The following ZC3H12B variants were observed in gnomAD, a reference collection of about 807,000 sequenced individuals.
The protein encoded by ZC3H12B is probable ribonuclease ZC3H12B.
In ZC3H12B, 7 loss-of-function variants were observed where a neutral mutation model predicts 43.9. The ratio of observed to expected loss-of-function variants is 0.16; its 90% CI spans 0.09 to 0.30. The LOEUF (loss-of-function observed/expected upper bound fraction) is 0.30, where lower values mean the gene tolerates loss of function less well. Among genes scored for constraint, ZC3H12B ranks in the 10% least tolerant of loss-of-function variants. The pLI is 1.00. For missense variants in ZC3H12B, 475 were observed against 670.2 expected (o/e 0.71, Z 3.22); for synonymous variants, 222 against 241.7 (o/e 0.92, Z 0.76).
At chrX:65,144,544 C>T in the ZC3H12B span, among the ~76,000 whole-genome samples, 2 of 111,225 alleles carry the variant, frequency 1.8e-5, no homozygotes, top group South Asian at 3.7e-4. Context: ...TTCTCTAGTT[C>T]CTTGAGGTGT....
chrX:65,045,631 A>G, the ZC3H12B span, among the ~76,000 whole-genome samples: 1 of 111,537 alleles, frequency 9.0e-6, no homozygotes, highest in Non-Finnish European at 1.9e-5. Flanking sequence ...TGTCAAAATA[A>G]TCCATGGGGA....
chrX:65,045,597 C>G, the ZC3H12B span, among the ~76,000 whole-genome samples: 1 of 112,033 alleles, frequency 8.9e-6, no homozygotes, highest in South Asian at 3.7e-4. Flanking sequence ...AATCTAGTTA[C>G]TTATTCTGGT....
At chrX:65,358,019 TAA>T in the ZC3H12B span, among the ~76,000 whole-genome samples, 2 of 90,525 alleles carry the variant, frequency 2.2e-5, no homozygotes, top group Non-Finnish European at 2.3e-5. Flanking sequence ...AAATGGAAAG[TAA>T]AAAAAAAAAA....
the ZC3H12B span, among the ~76,000 whole-genome samples, chrX:65,069,269 C>T: frequency 4.8e-5 from 5 of 103,688 alleles, no homozygotes; most frequent in Non-Finnish European, 9.8e-5. Flanking sequence ...TTAGATTTAC[C>T]CCTTTGAGGA....
chrX:65,235,174 T>C, the ZC3H12B span, among the ~76,000 whole-genome samples: 1 of 111,991 alleles, frequency 8.9e-6, no homozygotes, highest in African/African-American at 3.3e-5. Context: ...TGTATCTTTA[T>C]ACTAGAATAA....
chrX:65,469,575 T>A (rs1434893691), intron 3 of ZC3H12B: 3 of 264,099 alleles, frequency 1.1e-5, no homozygotes, highest in Non-Finnish European at 2.1e-5. Flanking sequence ...TTGATGACTT[T>A]GAGCTCAGAT....
chrX:65,271,943 G>T, the ZC3H12B span: 1 of 122,303 alleles, frequency 8.2e-6, no homozygotes. Context: ...GGCCGGGTGC[G>T]GTGGCTCCTG....
chrX:65,100,108 G>A, the ZC3H12B span, among the ~76,000 whole-genome samples: 1 of 111,454 alleles, frequency 9.0e-6, no homozygotes, highest in African/African-American at 3.3e-5. Flanking sequence ...ATCAATAGCC[G>A]AATTGATGAA....
the ZC3H12B span, among the ~76,000 whole-genome samples, chrX:65,311,846 G>A: frequency 9.9e-5 from 11 of 111,257 alleles, no homozygotes; most frequent in South Asian, 4.2e-3. Context: ...CCTTTGCAGG[G>A]ACATGGATGC....
the ZC3H12B span, among the ~76,000 whole-genome samples, chrX:65,122,549 G>A: frequency 1.8e-5 from 2 of 111,372 alleles, no homozygotes; most frequent in Non-Finnish European, 3.8e-5. Flanking sequence ...AACCTTAAAT[G>A]TATATGGACT....
chrX:65,278,237 G>A, the ZC3H12B span, among the ~76,000 whole-genome samples: 1 of 111,500 alleles, frequency 9.0e-6, no homozygotes, highest in South Asian at 3.8e-4. Context: ...GGTTGTCCTC[G>A]TGGCTCATTA....
At chrX:65,130,996 A>G in the ZC3H12B span, among the ~76,000 whole-genome samples, 16 of 112,321 alleles carry the variant, frequency 1.4e-4, no homozygotes, top group Admixed American at 3.8e-4. Flanking sequence ...TTAAAGAGGC[A>G]TTAATGATGG....
At chrX:65,361,957 T>A (rs777370564), upstream of ZC3H12B, among the ~76,000 whole-genome samples, 118 of 112,134 alleles carry the variant, frequency 1.1e-3, no homozygotes, top group Non-Finnish European at 1.9e-3. Context: ...AGCCAGGCAT[T>A]CCTCCAGGAC....
At chrX:65,157,862 G>A in the ZC3H12B span, among the ~76,000 whole-genome samples, 2 of 104,235 alleles carry the variant, frequency 1.9e-5, no homozygotes, top group South Asian at 4.8e-4. Context: ...ATGCTGGTGT[G>A]CTGCACCCAT....
At chrX:65,175,061 A>G in the ZC3H12B span, among the ~76,000 whole-genome samples, 1 of 112,344 alleles carries the variant, frequency 8.9e-6, no homozygotes, top group African/African-American at 3.2e-5. Flanking sequence ...TGGGTTTGCA[A>G]AAACTGTGGG....
At chrX:65,454,250 C>G (rs1458916748) in intron 3 of ZC3H12B, among the ~76,000 whole-genome samples, 1 of 112,269 alleles carries the variant, frequency 8.9e-6, no homozygotes, top group Admixed American at 9.4e-5. Context: ...GGGTGACAGA[C>G]AGCACCTGGA....
At chrX:65,188,802 GTT>G in the ZC3H12B span, among the ~76,000 whole-genome samples, 1 of 100,885 alleles carries the variant, frequency 9.9e-6, no homozygotes, top group Non-Finnish European at 2.0e-5. Flanking sequence ...AAGTCTTTAA[GTT>G]TTTTTTTTTT....
At chrX:65,114,916 A>ATTTT in the ZC3H12B span, among the ~76,000 whole-genome samples, 216 of 19,308 alleles carry the variant, frequency 0.011, 28 homozygotes, top group African/African-American at 0.047. Flanking sequence ...GTGTCTCAGG[A>ATTTT]TTTTTTTTTT....
chrX:65,141,275 A>T, the ZC3H12B span, among the ~76,000 whole-genome samples: 2 of 110,354 alleles, frequency 1.8e-5, no homozygotes, highest in African/African-American at 6.5e-5. Context: ...TCAAGATTTT[A>T]AAAAAATTCC....
Sources: gnomAD v4.1 joint callset for allele counts (sites outside exome capture counted in the v4.1 genomes callset) on GRCh38, gnomAD v4.1.1 for gene constraint, MANE v1.5 for transcripts, NCBI Gene and HGNC (gene_info 2026-07-23, HGNC 2026-07-21) for gene names.